Variants in PCDHA10 observed in about 807,000 individuals in gnomAD.
PCDHA10 encodes protocadherin alpha 10, also known as protocadherin alpha-10.
A neutral mutation model predicts 61.2 loss-of-function variants in PCDHA10; 45 were observed. The ratio of observed to expected loss-of-function variants is 0.74; its 90% CI spans 0.58 to 0.94. The LOEUF is 0.94. Among genes scored for constraint, PCDHA10 ranks in the 40% least tolerant of loss-of-function variants. PCDHA10 has a pLI of 0.00. For missense variants in PCDHA10, 1,278 were observed against 1,236.2 expected, an observed-to-expected ratio of 1.03 and a Z score of -0.51; for synonymous variants, 602 against 548.8, an observed-to-expected ratio of 1.10 and a Z score of -1.35.
At chr5:140,877,456 A>G (rs782196648) in intron 1 of PCDHA10, 18 of 1,613,802 alleles carry the variant, frequency 1.1e-5, no homozygotes, top group Non-Finnish European at 1.5e-5. Flanking sequence ...GCTGACGTCC[A>G]CGGCCACGGT....
chr5:140,927,635 A>G (rs782672031), intron 1 of PCDHA10: 17 of 1,614,038 alleles, frequency 1.1e-5, no homozygotes, highest in East Asian at 4.5e-5. Context: ...ACTGCACCCA[A>G]TGGGACTGTG....
intron 2 of PCDHA10, among the ~76,000 whole-genome samples, chr5:140,979,718 TGCCATGGG>T (rs1430155366): frequency 1.3e-5 from 2 of 152,270 alleles, no homozygotes; most frequent in Non-Finnish European, 2.9e-5. Context: ...CCAGTATCCA[TGCCATGGG>T]GCCAAATAAA....
intron 1 of PCDHA10, chr5:140,864,553 T>C (rs575186227): frequency 3.0e-4 from 45 of 152,314 alleles, no homozygotes; most frequent in African/African-American, 1.1e-3. Context: ...TTCTTATAAT[T>C]TCATTTTAGG....
At chr5:140,966,125 C>T (rs1443798693) in intron 1 of PCDHA10, 1 of 159,140 alleles carries the variant, frequency 6.3e-6, no homozygotes, top group African/African-American at 2.4e-5. Context: ...TTAGCTAAGG[C>T]CCCTCAGTTT....
chr5:140,978,907 G>T (rs782602741), intron 1 of PCDHA10, 42 bp from the exon 2 acceptor site: 3 of 1,613,648 alleles, frequency 1.9e-6, no homozygotes, highest in East Asian at 2.2e-5. Flanking sequence ...GGAGAACATT[G>T]TCTTGTCATT....
intron 1 of PCDHA10, among the ~76,000 whole-genome samples, chr5:140,960,167 CTTAAG>C (rs1291277794): frequency 1.3e-5 from 2 of 152,052 alleles, no homozygotes; most frequent in Non-Finnish European, 2.9e-5. Context: ...TAATACAATT[CTTAAG>C]TTAGGGGTTG....
At chr5:140,890,776 A>G (rs1554184541) in intron 1 of PCDHA10, among the ~76,000 whole-genome samples, 1 of 152,316 alleles carries the variant, frequency 6.6e-6, no homozygotes, top group Non-Finnish European at 1.5e-5. Flanking sequence ...TTAAAACCCC[A>G]TAAGATATTA....
At chr5:140,927,400 C>A in intron 1 of PCDHA10, 1 of 1,614,126 alleles carries the variant, frequency 6.2e-7, no homozygotes, top group Non-Finnish European at 8.5e-7. Context: ...TCAGCACTTT[C>A]GCCTGGACAT....
At position 140,982,295 on chromosome 5, in the gene PCDHA10, G is replaced by A. The variant is rs1047633434; in HGVS notation, c.2448-180G>A. ...AGTATAGCAGGCAATAAGTAAGTCA[G>A]CAATGCTTCTGCAGTTTATGCAGGG... On this transcript the variant is annotated intron_variant, in intron 2 of 3. Coordinates refer to ENST00000307360, the MANE Select transcript of PCDHA10 (RefSeq NM_018901.4). The A allele has an allele frequency of 3.4e-6, 4 of 1,160,172 alleles. No homozygotes were observed. In the Admixed American group the frequency reaches 8.4e-5, roughly 25 times the overall value. 71.9% of individuals were successfully genotyped at this position (1,160,172 alleles called of 1,614,324 possible).
At chr5:140,885,016 T>C (rs1554181958) in intron 1 of PCDHA10, among the ~76,000 whole-genome samples, 1 of 152,244 alleles carries the variant, frequency 6.6e-6, no homozygotes. Flanking sequence ...CTAATCGTAA[T>C]CTTAAATTTA....
At chr5:140,858,485 T>G (rs2045446148) in intron 1 of PCDHA10, 49 bp downstream of exon 1, 1 of 1,503,010 alleles carries the variant, frequency 6.7e-7, no homozygotes, top group Non-Finnish European at 9.1e-7. Flanking sequence ...GAATAATATT[T>G]TCTCTTACCG....
Position 140,927,842 on chromosome 5 carries a change from T to C in PCDHA10, c.2389-51107T>C, listed in dbSNP as rs201721848. 1.9e-6 allele frequency: 3 copies of C among 1,614,140 alleles called. No individual in the cohort carries two copies. The African/African-American group carries it at 4.0e-5, about 22-fold the overall frequency. On this transcript the variant is annotated intron_variant, in intron 1 of 3. Transcript: ENST00000307360. ...TACATTGAGGCGAGGGACGAAGGTG[T>C]CTTTGGTTTAGCTAGCACCGCTAAA... is the stretch of plus-strand genomic sequence containing the variant.
chr5:140,881,257 C>A, intron 1 of PCDHA10: 1 of 512,564 alleles, frequency 2.0e-6, no homozygotes, highest in Non-Finnish European at 2.5e-6. Context: ...CAAGGTTTTA[C>A]TCAGTGATGA....
chr5:140,941,447 C>T (rs1180553779), intron 1 of PCDHA10, among the ~76,000 whole-genome samples: 1 of 150,780 alleles, frequency 6.6e-6, no homozygotes, highest in South Asian at 2.1e-4. Flanking sequence ...TCGGGAGTAG[C>T]TGGGATTACA....
chr5:140,989,139 C>G (rs1308771993), intron 3 of PCDHA10, among the ~76,000 whole-genome samples: 1 of 152,136 alleles, frequency 6.6e-6, no homozygotes, highest in African/African-American at 2.4e-5. Context: ...ACACTTTATC[C>G]CTTCTTTTGT....
intron 1 of PCDHA10, among the ~76,000 whole-genome samples, chr5:140,906,153 A>G (rs2072404848): frequency 6.6e-6 from 1 of 152,142 alleles, no homozygotes; most frequent in Non-Finnish European, 1.5e-5. Flanking sequence ...ACCCTCACAG[A>G]CACACCCAGG....
chr5:140,930,411 A>C (rs1554207797), intron 1 of PCDHA10: 2 of 149,218 alleles, frequency 1.3e-5, no homozygotes, highest in African/African-American at 2.5e-5. Context: ...TTTTTGAGAC[A>C]GGGGTCTCAC....
intron 1 of PCDHA10, chr5:140,969,308 A>G (rs782412499): frequency 1.9e-6 from 3 of 1,614,196 alleles, no homozygotes; most frequent in Middle Eastern, 3.3e-4. Context: ...TATTCTCAAA[A>G]ATGAGGCTGT....
At chr5:140,922,888 C>A (rs1584282377) in intron 1 of PCDHA10, among the ~76,000 whole-genome samples, 1 of 152,236 alleles carries the variant, frequency 6.6e-6, no homozygotes, top group South Asian at 2.1e-4. Flanking sequence ...AGACATCATT[C>A]AAGAAAAAAT....
Sources: gnomAD v4.1 joint callset for allele counts (sites outside exome capture counted in the v4.1 genomes callset) on GRCh38, gnomAD v4.1.1 for gene constraint, MANE v1.5 for transcripts, NCBI Gene and HGNC (gene_info 2026-07-23, HGNC 2026-07-21) for gene names.